The following NR5A2 variants were observed in gnomAD, a reference collection of about 807,000 sequenced individuals.
NR5A2 encodes nuclear receptor subfamily 5 group A member 2.
NR5A2 carries 26 observed loss-of-function variants against 62.7 expected under a neutral mutation model. That is an observed-to-expected ratio of 0.41 (90% CI 0.30 to 0.58). NR5A2 has a LOEUF of 0.58. NR5A2 is among the 20% of genes least tolerant of loss of function. The pLI is 0.22. For missense variants in NR5A2, 541 were observed against 669.1 expected, an observed-to-expected ratio of 0.81 and a Z score of 2.11; for synonymous variants, 246 against 241.7, an observed-to-expected ratio of 1.02 and a Z score of -0.16.
chr1:200,105,348 A>T (rs1283730844), intron 5 of NR5A2, among the ~76,000 whole-genome samples: 1 of 152,164 alleles, frequency 6.6e-6, no homozygotes, highest in Admixed American at 6.5e-5. Context: ...TCTACAAGTT[A>T]AAACCTGCTT....
chr1:200,114,890 C>CTGAT (rs533808185), intron 6 of NR5A2, among the ~76,000 whole-genome samples: 457 of 152,280 alleles, frequency 3.0e-3, no homozygotes, highest in Non-Finnish European at 3.4e-3. Context: ...TACCGTTTAT[C>CTGAT]TGATTAACTC....
intron 1 of NR5A2, chr1:200,029,825 T>G (rs1571685403): frequency 6.6e-6 from 1 of 152,196 alleles, no homozygotes; most frequent in East Asian, 1.9e-4. Context: ...GCCCCGCAGG[T>G]GGTTGTGAGG....
chr1:200,062,257 G>GTGTATC lies in NR5A2; in HGVS notation c.1110+13440_1110+13441insGTATCT, dbSNP rs1490926111. ...TGTGTGTGTGTGTGTGTGTGTGTGT[G>GTGTATC]TATCTGTGTCCATGTGTGTATCGCA... On this transcript the variant is annotated intron_variant, in intron 5 of 7. Transcript: ENST00000367362. Among the ~76,000 whole-genome samples the GTGTATC allele has an allele frequency of 4.0e-5, 6 of 151,608 alleles. No individual in the cohort carries two copies. In the South Asian group the frequency reaches 1.3e-3, roughly 32 times the overall value.
chr1:200,050,948 C>A (rs1662600779), intron 5 of NR5A2, among the ~76,000 whole-genome samples: 1 of 152,060 alleles, frequency 6.6e-6, no homozygotes, highest in African/African-American at 2.4e-5. Flanking sequence ...GAAAAATGTG[C>A]AGAATCTACA....
At chr1:200,076,380 A>T (rs1664038370) in intron 5 of NR5A2, among the ~76,000 whole-genome samples, 1 of 152,110 alleles carries the variant, frequency 6.6e-6, no homozygotes, top group South Asian at 2.1e-4. Context: ...GTCACTGTCG[A>T]TACTATGTGG....
chr1:200,046,101 C>T (rs1382428785), intron 4 of NR5A2, among the ~76,000 whole-genome samples: 2 of 152,020 alleles, frequency 1.3e-5, no homozygotes, highest in African/African-American at 4.8e-5. Context: ...AGGATATTAT[C>T]TTTGATAGTG....
At chr1:200,085,001 A>C (rs1239680359) in intron 5 of NR5A2, among the ~76,000 whole-genome samples, 1 of 152,200 alleles carries the variant, frequency 6.6e-6, no homozygotes, top group Non-Finnish European at 1.5e-5. Flanking sequence ...GACTTGTTGA[A>C]ACTTGAAGAT....
intron 5 of NR5A2, among the ~76,000 whole-genome samples, chr1:200,074,405 A>G (rs1175101654): frequency 6.8e-6 from 1 of 147,160 alleles, no homozygotes; most frequent in Non-Finnish European, 1.5e-5. Flanking sequence ...CTAAAAGAAA[A>G]GAAAAAAAAA....
chr1:200,112,142 G>A (rs1169599496), intron 6 of NR5A2, among the ~76,000 whole-genome samples: 1 of 152,114 alleles, frequency 6.6e-6, no homozygotes, highest in African/African-American at 2.4e-5. Flanking sequence ...GACATGTGTT[G>A]CAGTGTGACC....
rs142403829 is a variant in NR5A2, at chr1:200,099,541, G to A, written c.1111-11661G>A. ...GCAACCAAAATCTTCCTTAATTTAT[G>A]CCATAATCACTGATATCCAGATGAT... On this transcript the variant is annotated intron_variant, in intron 5 of 7. Transcript: ENST00000367362. Among the ~76,000 whole-genome samples, 26 of 152,114 alleles carry A rather than the reference G, an allele frequency of 1.7e-4. No homozygotes were observed. In the East Asian group the frequency reaches 3.9e-3, roughly 23 times the overall value.
At chr1:200,072,354 C>T (rs1663775385) in intron 5 of NR5A2, among the ~76,000 whole-genome samples, 1 of 152,070 alleles carries the variant, frequency 6.6e-6, no homozygotes, top group Admixed American at 6.6e-5. Flanking sequence ...TTAATAAATT[C>T]ATGGTGGGTT....
chr1:200,041,995 CTG>C (rs1389603506), intron 2 of NR5A2, among the ~76,000 whole-genome samples: 2 of 152,312 alleles, frequency 1.3e-5, no homozygotes, highest in East Asian at 3.9e-4. Context: ...TGCCTCAAGA[CTG>C]TCATCGCGAT....
chr1:200,094,333 G>T (rs1208603766), intron 5 of NR5A2, among the ~76,000 whole-genome samples: 1 of 149,752 alleles, frequency 6.7e-6, no homozygotes, highest in Non-Finnish European at 1.5e-5. Flanking sequence ...TACAGGCGCG[G>T]GCTACCACAC....
In NR5A2 at chr1:200,174,907, C is replaced by G. The variant is rs1558184773; in HGVS notation, c.*697C>G. On this transcript the variant is annotated 3_prime_UTR_variant, in exon 8 of 8. Transcript: ENST00000367362. ...ATATGTTCTGAGGGTTGTTTTGTCT[C>G]GTGTTCATGATGTTAAGAAAATGCA... 2 of 152,600 alleles carry G rather than the reference C, an allele frequency of 1.3e-5. No homozygotes were observed. Among genetic ancestry groups the G allele is most frequent in the African/African-American group, 4.8e-5 (2 of 41,442 alleles). 9.5% of individuals were successfully genotyped at this position (152,600 alleles called of 1,614,324 possible).
At chr1:200,112,745 C>T (rs756411126) in intron 6 of NR5A2, among the ~76,000 whole-genome samples, 2 of 152,144 alleles carry the variant, frequency 1.3e-5, no homozygotes, top group African/African-American at 4.8e-5. Context: ...TTTTTTTTGG[C>T]ATTTTCATTC....
intron 7 of NR5A2, among the ~76,000 whole-genome samples, chr1:200,142,941 T>C (rs191582207): frequency 1.3e-5 from 2 of 152,262 alleles, no homozygotes; most frequent in East Asian, 3.9e-4. Context: ...GATTCTTCCA[T>C]AGAAATAATT....
chr1:200,078,193 C>T (rs1393672197), intron 5 of NR5A2, among the ~76,000 whole-genome samples: 1 of 152,166 alleles, frequency 6.6e-6, no homozygotes, highest in African/African-American at 2.4e-5. Context: ...GATACCAGCA[C>T]ACTTGGAGAA....
chr1:200,062,128 C>T (rs2821382), intron 5 of NR5A2, among the ~76,000 whole-genome samples: 60,867 of 151,850 alleles, frequency 0.4, 16,109 homozygotes, highest in African/African-American at 0.76. Context: ...TCTTAATTAG[C>T]GTTCCTTATT....
chr1:200,144,314 G>T (rs1417077909), intron 7 of NR5A2, among the ~76,000 whole-genome samples: 2 of 151,676 alleles, frequency 1.3e-5, no homozygotes, highest in Non-Finnish European at 2.9e-5. Context: ...CTTGTGCCGT[G>T]GGTCTCCGGT....
Sources: gnomAD v4.1 joint callset for allele counts (sites outside exome capture counted in the v4.1 genomes callset) on GRCh38, gnomAD v4.1.1 for gene constraint, MANE v1.5 for transcripts, NCBI Gene and HGNC (gene_info 2026-07-23, HGNC 2026-07-21) for gene names.